KCNN2: variants seen among roughly 807,000 people sequenced by gnomAD.
KCNN2 encodes the protein small conductance calcium-activated potassium channel protein 2.
In KCNN2, 24 loss-of-function variants were observed where a neutral mutation model predicts 55.5. The observed-to-expected ratio is 0.43, with a 90% confidence interval of 0.31 to 0.61. The LOEUF (loss-of-function observed/expected upper bound fraction) is 0.61. KCNN2 is among the 20% of genes least tolerant of loss of function. The pLI is 0.08. For synonymous variants in KCNN2, 431 were observed against 336.1 expected (o/e 1.28, Z -3.09); for missense variants, 754 against 853.6 (o/e 0.88, Z 1.45).
chr5:114,372,792 T>A (rs1370406223), intron 2 of KCNN2, among the ~76,000 whole-genome samples: 1 of 152,132 alleles, frequency 6.6e-6, no homozygotes, highest in Non-Finnish European at 1.5e-5. Context: ...TTCATGTAAC[T>A]TTTTATTGTT....
At chr5:114,437,502 A>G (rs1760050302) in intron 3 of KCNN2, among the ~76,000 whole-genome samples, 1 of 152,216 alleles carries the variant, frequency 6.6e-6, no homozygotes, top group African/African-American at 2.4e-5. Context: ...TTAAATAAAC[A>G]GTGCTCTGCA....
intron 1 of KCNN2, among the ~76,000 whole-genome samples, chr5:114,118,169 A>G (rs947411636): frequency 1.3e-5 from 2 of 152,178 alleles, no homozygotes; most frequent in African/African-American, 4.8e-5. Context: ...GTGAAAAGGC[A>G]AGTCTTGAAC....
Position 114,483,302 on chromosome 5 carries a change from A to G in KCNN2, c.1891-3748A>G, listed in dbSNP as rs1161078486. ...TTTTTTTTTTTTTTTTGAGAGACGG[A>G]GTCGCTTTGTCACCCAGGCTGGAGC... is the stretch of plus-strand genomic sequence containing the variant. On this transcript the variant is annotated intron_variant, in intron 5 of 7. Coordinates refer to ENST00000673685, the MANE Select transcript of KCNN2 (RefSeq NM_021614.4). 2.2e-5 allele frequency among the ~76,000 whole-genome samples: 3 copies of G among 135,928 alleles called. No homozygotes were observed. The Admixed American group carries it at 2.4e-4, about 11-fold the overall frequency. The allele number at this position is 135,928 out of a possible 152,430, so 89.2% of individuals were successfully genotyped here. A position where few individuals can be genotyped will look rare whatever the true frequency, so the allele number is the denominator to read the frequency against.
intron 2 of KCNN2, among the ~76,000 whole-genome samples, chr5:114,279,453 C>G (rs575795352): frequency 6.6e-6 from 1 of 152,060 alleles, no homozygotes; most frequent in Non-Finnish European, 1.5e-5. Flanking sequence ...CTCCCTGCTC[C>G]CCCCACCCCA....
intron 2 of KCNN2, among the ~76,000 whole-genome samples, chr5:114,302,207 T>C (rs967732350): frequency 1.3e-5 from 2 of 152,206 alleles, no homozygotes; most frequent in African/African-American, 4.8e-5. Flanking sequence ...CATGCTTGAC[T>C]TTGCATAGTT....
intron 2 of KCNN2, among the ~76,000 whole-genome samples, chr5:114,240,650 TGAACTCCTTGCCTCAA>T (rs1179660057): frequency 2.0e-5 from 3 of 152,122 alleles, no homozygotes; most frequent in Non-Finnish European, 4.4e-5. Flanking sequence ...AGGCTGGTCT[TGAACTCCTTGCCTCAA>T]GCAATCCACT....
intron 1 of KCNN2, among the ~76,000 whole-genome samples, chr5:114,096,166 T>G (rs1227898520): frequency 1.3e-5 from 2 of 152,138 alleles, no homozygotes; most frequent in Admixed American, 6.6e-5. Context: ...CTCTCTAGGT[T>G]CTGTGATATT....
At chr5:114,410,739 C>T (rs1467445297) in intron 3 of KCNN2, among the ~76,000 whole-genome samples, 1 of 151,942 alleles carries the variant, frequency 6.6e-6, no homozygotes, top group African/African-American at 2.4e-5. Flanking sequence ...GAAAAGCAAA[C>T]ATTGTGATAA....
intron 1 of KCNN2, among the ~76,000 whole-genome samples, chr5:114,117,613 C>G (rs534220824): frequency 6.6e-6 from 1 of 152,166 alleles, no homozygotes; most frequent in South Asian, 2.1e-4. Flanking sequence ...AGAGAGATAG[C>G]TCAAGAGGCC....
chr5:114,273,930 A>G (rs924331749), intron 2 of KCNN2, among the ~76,000 whole-genome samples: 20 of 152,334 alleles, frequency 1.3e-4, no homozygotes, highest in African/African-American at 4.6e-4. Context: ...GCCCATGCCT[A>G]TGTCCTGAAT....
chr5:114,229,140 G>A (rs970156052), intron 2 of KCNN2, among the ~76,000 whole-genome samples: 1 of 151,946 alleles, frequency 6.6e-6, no homozygotes, highest in Middle Eastern at 4.0e-3. Flanking sequence ...CAGAACTTTA[G>A]GCAAAGATAT....
intron 2 of KCNN2, among the ~76,000 whole-genome samples, chr5:114,335,640 A>G (rs1756907369): frequency 6.6e-6 from 1 of 152,174 alleles, no homozygotes; most frequent in Admixed American, 6.5e-5. Context: ...ATTTAGAGAG[A>G]GATTTGGGCT....
chr5:114,223,631 G>C (rs73779758), intron 2 of KCNN2, among the ~76,000 whole-genome samples: 56 of 152,256 alleles, frequency 3.7e-4, no homozygotes, highest in African/African-American at 1.2e-3. Flanking sequence ...TTAATACAAA[G>C]AATTGTCAGC....
chr5:114,153,548 G>A (rs4429843), intron 1 of KCNN2, among the ~76,000 whole-genome samples: 58,472 of 151,954 alleles, frequency 0.38, 11,561 homozygotes, highest in East Asian at 0.72. Flanking sequence ...TGTGTTTCTT[G>A]TGTCTGTTTC....
intron 3 of KCNN2, among the ~76,000 whole-genome samples, chr5:114,449,338 A>G (rs1400412122): frequency 6.6e-6 from 1 of 152,206 alleles, no homozygotes; most frequent in Non-Finnish European, 1.5e-5. Flanking sequence ...AAAGCTGCGC[A>G]TACTCTGAGC....
chr5:114,222,420 A>G (rs539079137), intron 2 of KCNN2, among the ~76,000 whole-genome samples: 1 of 152,338 alleles, frequency 6.6e-6, no homozygotes, highest in East Asian at 1.9e-4. Context: ...AAAAAATTGA[A>G]CTAAGTATTT....
At chr5:114,345,140 G>GT (rs1431053406) in intron 2 of KCNN2, among the ~76,000 whole-genome samples, 1 of 152,112 alleles carries the variant, frequency 6.6e-6, no homozygotes, top group Non-Finnish European at 1.5e-5. Flanking sequence ...CTGTGTAACT[G>GT]TAAGAGTGAG....
intron 2 of KCNN2, among the ~76,000 whole-genome samples, chr5:114,258,959 C>T (rs940691947): frequency 6.6e-6 from 1 of 152,190 alleles, no homozygotes; most frequent in Non-Finnish European, 1.5e-5. Context: ...GCTGCAGCTG[C>T]CCCTTAAAGC....
intron 2 of KCNN2, among the ~76,000 whole-genome samples, chr5:114,240,048 A>G (rs1169163574): frequency 1.3e-5 from 2 of 152,200 alleles, no homozygotes; most frequent in Non-Finnish European, 2.9e-5. Flanking sequence ...TAAGTTTAAC[A>G]TGAAAACTGT....
Sources: allele counts gnomAD v4.1 joint callset (sites outside exome capture counted in the v4.1 genomes callset), GRCh38; gene constraint gnomAD v4.1.1; transcripts MANE v1.5; gene names NCBI Gene and HGNC (gene_info 2026-07-23, HGNC 2026-07-21).